Variants in EP400 observed in about 807,000 individuals in gnomAD.
EP400 encodes the protein E1A binding protein p400, also known as E1A-binding protein p400.
EP400 carries 105 observed loss-of-function variants against 354.1 expected under a neutral mutation model. The observed-to-expected ratio is 0.30, with a 90% CI of 0.25 to 0.35. The LOEUF is 0.35. Ranked by LOEUF, EP400 falls within the 10% of genes least tolerant of loss-of-function variation. The probability of loss-of-function intolerance (pLI) is 1.00; values close to 1 mark genes in which losing one functional copy is unlikely to be tolerated. For synonymous variants in EP400, 1,646 were observed against 1,716.9 expected (o/e 0.96, Z 1.02); for missense variants, 3,280 against 4,121.0 (o/e 0.80, Z 5.59).
At chr12:131,977,920 G>A (rs967035636) in intron 2 of EP400, among the ~76,000 whole-genome samples, 1 of 152,230 alleles carries the variant, frequency 6.6e-6, no homozygotes, top group Non-Finnish European at 1.5e-5. Context: ...TCACTGAACA[G>A]TTGCTTTGTT....
intron 5 of EP400, among the ~76,000 whole-genome samples, chr12:131,984,687 GTTTTA>G (rs897196866): frequency 7.9e-5 from 12 of 151,884 alleles, no homozygotes; most frequent in African/African-American, 2.9e-4. Flanking sequence ...GTGGAAAATG[GTTTTA>G]TTTTATTTTA....
rs1297038923 is a variant in EP400 at position 132,018,701 on chromosome 12, G to A, written c.4277+325G>A. Among the ~76,000 whole-genome samples the A allele has an allele frequency of 6.6e-6, 1 of 152,206 alleles. No homozygotes were observed. The highest frequency in any genetic ancestry group is 1.5e-5 in the Non-Finnish European group (1 of 68,038). ...GGTGTGGCCGAACCACACATGTGTC[G>A]TGAGTGTGGCAGGCAGAGGACTCCA... On this transcript the variant is annotated intron_variant, in intron 21 of 52. Transcript: ENST00000389561. The surrounding 1 kb of genome is among the most constrained non-coding windows in gnomAD (Gnocchi z 4.0).
intron 1 of EP400, among the ~76,000 whole-genome samples, chr12:131,955,800 A>G (rs1333461030): frequency 6.6e-6 from 1 of 151,846 alleles, no homozygotes; most frequent in Non-Finnish European, 1.5e-5. Context: ...ACATGCAACC[A>G]TGCCCAGCTA....
chr12:132,011,637 A>ATT lies in EP400; in HGVS notation c.3441+12_3441+13dup. 2 of 1,506,432 alleles carry ATT rather than the reference A, an allele frequency of 1.3e-6. No homozygotes were observed. Among genetic ancestry groups the ATT allele is most frequent in the Non-Finnish European group, 1.8e-6 (2 of 1,115,578 alleles). The allele number at this position is 1,506,432 out of a possible 1,614,324, so 93.3% of individuals were successfully genotyped here. On this transcript the variant is annotated splice_donor_region_variant and intron_variant, in intron 16 of 52. Coordinates refer to ENST00000389561, the MANE Select transcript of EP400 (RefSeq NM_015409.5). ...GAGAACTCAAAGCAAAGAGACAGGT[A>ATT]TTTTTTTTTTAAACATAAAATAAAG...
At chr12:132,059,897 T>C (rs1240562845) in intron 45 of EP400, among the ~76,000 whole-genome samples, 11 of 148,764 alleles carry the variant, frequency 7.4e-5, no homozygotes, top group Admixed American at 2.0e-4. Flanking sequence ...GTGGCACGCG[T>C]GTGTAGTCCC....
intron 48 of EP400, chr12:132,066,344 T>C (rs1895889932): frequency 6.0e-6 from 1 of 165,560 alleles, no homozygotes; most frequent in Non-Finnish European, 1.3e-5. Context: ...AAATGGTAAC[T>C]TAAGAGAAAA....
chr12:131,969,642 T>C (rs1789693686), intron 2 of EP400, among the ~76,000 whole-genome samples: 1 of 152,164 alleles, frequency 6.6e-6, no homozygotes, highest in Non-Finnish European at 1.5e-5. Context: ...ATATATATTC[T>C]TTGATCCAGC....
At position 131,999,961 on chromosome 12, in the gene EP400, T is replaced by G. The variant is rs951263695; in HGVS notation, c.2827+5005T>G. ...TATGCCTGTTTTCTTGATAGTCTTGTCAAAAGTTTGTCAGATTCTTTTTTT... is the reference window on the plus strand; with the variant it reads ...TATGCCTGTTTTCTTGATAGTCTTGGCAAAAGTTTGTCAGATTCTTTTTTT... On this transcript the variant is annotated intron_variant, in intron 12 of 52. Transcript: ENST00000389561. Among the ~76,000 whole-genome samples the G allele has an allele frequency of 3.3e-5, 5 of 151,898 alleles. No homozygotes were observed. The East Asian group carries it at 9.7e-4, about 29-fold the overall frequency.
At chr12:132,068,829 G>T (rs888747097) in intron 50 of EP400, 1 of 152,532 alleles carries the variant, frequency 6.6e-6, no homozygotes, top group East Asian at 1.9e-4. Flanking sequence ...GTCCCTGGGT[G>T]CGTCATGGTG....
Position 132,017,520 on chromosome 12 carries a change from T to C in EP400, c.3924-15T>C. The C allele has an allele frequency of 6.2e-7, 1 of 1,612,808 alleles. No homozygotes were observed. Among genetic ancestry groups the C allele is most frequent in the Non-Finnish European group, 8.5e-7 (1 of 1,179,468 alleles). On this transcript the variant is annotated splice_polypyrimidine_tract_variant and intron_variant, in intron 19 of 52. Coordinates refer to ENST00000389561, the MANE Select transcript of EP400 (RefSeq NM_015409.5). This position sits in a 1 kb window ranked among gnomAD's most constrained non-coding sequence, Gnocchi z 5.0. ...GTTTGGATTGAATGCTTCGTGTTTC[T>C]TTCTCCACGGGCAGCACTCAGGAGG... is the stretch of plus-strand genomic sequence containing the variant.
chr12:131,966,980 G>A (rs1312676132), intron 2 of EP400, among the ~76,000 whole-genome samples: 1 of 151,708 alleles, frequency 6.6e-6, no homozygotes, highest in Non-Finnish European at 1.5e-5. Context: ...AGGCTGAGGT[G>A]GAAGGATTGC....
At chr12:132,004,685 T>C (rs1566182577) in intron 12 of EP400, among the ~76,000 whole-genome samples, 1 of 152,216 alleles carries the variant, frequency 6.6e-6, no homozygotes, top group South Asian at 2.1e-4. Context: ...TTTTATACTT[T>C]TAAAAATTTG....
chr12:131,979,086 A>G (rs1023675943), intron 2 of EP400, among the ~76,000 whole-genome samples: 2 of 151,800 alleles, frequency 1.3e-5, no homozygotes, highest in African/African-American at 2.4e-5. Context: ...GCGTGGTGGC[A>G]GGCGCCTGTA....
At chr12:131,959,808 A>G (rs1411780927) in intron 1 of EP400, among the ~76,000 whole-genome samples, 2 of 152,112 alleles carry the variant, frequency 1.3e-5, no homozygotes, top group African/African-American at 4.8e-5. Flanking sequence ...GTTTTCTCCT[A>G]GCTCCTGGCA....
chr12:132,046,628 C>T (rs143600672), intron 39 of EP400, among the ~76,000 whole-genome samples: 1 of 152,186 alleles, frequency 6.6e-6, no homozygotes, highest in Non-Finnish European at 1.5e-5. Context: ...TGTAGCTTGA[C>T]CCCCGAAGAG....
intron 2 of EP400, among the ~76,000 whole-genome samples, chr12:131,963,834 C>A (rs973249570): frequency 1.3e-5 from 2 of 152,144 alleles, no homozygotes; most frequent in African/African-American, 4.8e-5. Flanking sequence ...TGACACAGAT[C>A]TTAGTGCATT....
At position 132,052,944 on chromosome 12, in the gene EP400, G is replaced by C. The variant is rs1206580254; in HGVS notation, c.7395-202G>C. Among the ~76,000 whole-genome samples the C allele has an allele frequency of 6.6e-6, 1 of 152,176 alleles. No individual in the cohort carries two copies. Among genetic ancestry groups the C allele is most frequent in the Middle Eastern group, 3.4e-3 (1 of 294 alleles). On this transcript the variant is annotated intron_variant, in intron 41 of 52. Transcript: ENST00000389561. The surrounding 1 kb of genome is among the most constrained non-coding windows in gnomAD (Gnocchi z 4.4). ...GGAGAGTGGGAGAGCTCGGCCTCAA[G>C]GAAGAGGACTCAGCGCCAGGCTGAG...
rs1396260439 is a variant in EP400, at chr12:132,054,286, C to T, written c.7729-688C>T. The stretch of plus-strand genomic sequence containing the variant: ...TTTTGTTACATAGAACCATTTCCTG[C>T]AGTAGTTTTTAGAAAATTGTTTGCT... On this transcript the variant is annotated intron_variant, in intron 43 of 52. Transcript: ENST00000389561. The surrounding 1 kb of genome is among the most constrained non-coding windows in gnomAD (Gnocchi z 4.0). 1.3e-5 allele frequency among the ~76,000 whole-genome samples: 2 copies of T among 152,212 alleles called. No individual in the cohort carries two copies. The highest frequency in any genetic ancestry group is 2.9e-5 in the Non-Finnish European group (2 of 68,038).
In EP400 at chr12:131,987,765, C is replaced by T. The variant is rs748689018; in HGVS notation, c.2284C>T (p.Arg762Cys). Residue 762 changes from arginine to cysteine, a missense_variant, in exon 7 of 53, where the codon CGT (arginine) becomes TGT (cysteine). Around this residue, in one of 20 missense-constraint regions of EP400, gnomAD observed 800 missense variants for 840.0 expected, o/e 0.95. Coordinates refer to ENST00000389561, the MANE Select transcript of EP400 (RefSeq NM_015409.5). ...GAAAGCAGGTCTGTGGTCCCAGAGG[C>T]GTCTGCCAAAGCTGCAGGAGGCCCC... ...LRKAGLWSQR[R>C]LPKLQEAPRP... The T allele has an allele frequency of 6.8e-6, 11 of 1,611,898 alleles. No individual in the cohort carries two copies. Among genetic ancestry groups the T allele is most frequent in the Non-Finnish European group, 7.6e-6 (9 of 1,179,722 alleles).
Sources: gnomAD v4.1 joint callset for allele counts (sites outside exome capture counted in the v4.1 genomes callset) on GRCh38, gnomAD v4.1.1 for gene constraint, gnomAD v4.1.1 regional missense constraint, Gnocchi (gnomAD v3.1) non-coding constraint, MANE v1.5 for transcripts, NCBI Gene and HGNC (gene_info 2026-07-23, HGNC 2026-07-21) for gene names.